The following ARMC10 variants were observed in gnomAD, a reference collection of about 807,000 sequenced individuals.
ARMC10 encodes armadillo repeat containing 10, also known as armadillo repeat-containing protein 10.
A neutral mutation model predicts 30.2 loss-of-function variants in ARMC10; 23 were observed. The observed-to-expected ratio is 0.76, with a 90% confidence interval of 0.55 to 1.08. ARMC10 has a LOEUF of 1.08. ARMC10 is among the 50% of genes least tolerant of loss of function. The pLI is 0.00. For missense variants in ARMC10, 303 were observed against 413.7 expected, an observed-to-expected ratio of 0.73 and a Z score of 2.32; for synonymous variants, 111 against 164.4, an observed-to-expected ratio of 0.68 and a Z score of 2.48.
rs564345789 is a variant in ARMC10 at position 103,095,985 on chromosome 7, G to A, written c.706-1292G>A. On this transcript the variant is annotated intron_variant, in intron 5 of 6. Transcript: ENST00000323716. The stretch of plus-strand genomic sequence containing the variant: ...GCATTGGGAGATATACCTAATGCTA[G>A]ATGACGAGTTAGTGGGTGCAGTGCA... The A allele has an allele frequency of 1.8e-4, 27 of 152,224 alleles. No homozygotes were observed. In the South Asian group the frequency reaches 5.4e-3, roughly 30 times the overall value. The allele number at this position is 152,224 out of a possible 1,614,324, so 9.4% of individuals were successfully genotyped here.
intron 3 of ARMC10, among the ~76,000 whole-genome samples, chr7:103,085,878 G>A (rs1045440257): frequency 6.6e-6 from 1 of 152,080 alleles, no homozygotes; most frequent in Non-Finnish European, 1.5e-5. Context: ...GCCTCCCAAA[G>A]TGCTGGGATT....
chr7:103,079,538 G>A (rs1027690682), intron 2 of ARMC10, among the ~76,000 whole-genome samples: 1 of 152,134 alleles, frequency 6.6e-6, no homozygotes, highest in Non-Finnish European at 1.5e-5. Flanking sequence ...ACTATTCAAC[G>A]TTCTTCTGGA....
At chr7:103,075,460 C>T (rs1320062690) in intron 1 of ARMC10, 49 bp downstream of exon 1, 10 of 1,273,432 alleles carry the variant, frequency 7.9e-6, no homozygotes, top group Non-Finnish European at 8.9e-6. Flanking sequence ...GGCAGGGGGG[C>T]TCCCCAGGCC....
chr7:103,076,225 G>C (rs1020407071), intron 2 of ARMC10, among the ~76,000 whole-genome samples: 35 of 152,140 alleles, frequency 2.3e-4, no homozygotes, highest in African/African-American at 7.7e-4. Flanking sequence ...TATTACATAC[G>C]TGTTCTCAAG....
chr7:103,098,147 C>G, intron 6 of ARMC10, 152 bp from the exon 7 acceptor site: 1 of 935,832 alleles, frequency 1.1e-6, no homozygotes, highest in Middle Eastern at 3.9e-4. Context: ...TTTTCTGTGA[C>G]AAAATTTTTT....
chr7:103,094,217 T>C (rs1002420311), intron 5 of ARMC10, among the ~76,000 whole-genome samples: 3 of 136,588 alleles, frequency 2.2e-5, no homozygotes, highest in African/African-American at 7.6e-5. Context: ...CACTGATTGA[T>C]AACTTAATGC....
rs1799574373 is a variant in ARMC10 at position 103,075,189 on chromosome 7, G to A, written c.-84G>A. 9 of 1,010,138 alleles carry A rather than the reference G, an allele frequency of 8.9e-6. No homozygotes were observed. The highest frequency in any genetic ancestry group is 5.0e-5 in the Admixed American group (1 of 19,848). The allele number at this position is 1,010,138 out of a possible 1,614,324, so 62.6% of individuals were successfully genotyped here. ...AGGTGGCGTTTGCTGTGGCGGCTAGGCCCGCGTGCGCTGGAGACCTCCGCG... is the reference window on the plus strand; with the variant it reads ...AGGTGGCGTTTGCTGTGGCGGCTAGACCCGCGTGCGCTGGAGACCTCCGCG... On this transcript the variant is annotated 5_prime_UTR_variant, in exon 1 of 7. Transcript: ENST00000323716.
Position 103,075,407 on chromosome 7 carries a change from C to CGCAGGTGGGACCCCGGGGTTTCCG in ARMC10, c.139+6_139+29dup. The CGCAGGTGGGACCCCGGGGTTTCCG allele has an allele frequency of 1.5e-6, 2 of 1,291,620 alleles. No homozygotes were observed. Among genetic ancestry groups the CGCAGGTGGGACCCCGGGGTTTCCG allele is most frequent in the Non-Finnish European group, 2.0e-6 (2 of 1,016,824 alleles). The allele number at this position is 1,291,620 out of a possible 1,614,324, so 80.0% of individuals were successfully genotyped here. A position where few individuals can be genotyped will look rare whatever the true frequency, so the allele number is the denominator to read the frequency against. ...AGCTCGGGATACGCTCTTCGAAGTC[C>CGCAGGTGGGACCCCGGGGTTTCCG]GCAGGTGGGACCCCGGGGTTTCCGG... On this transcript the variant is annotated inframe_insertion, in exon 1 of 7. Coordinates refer to ENST00000323716, the MANE Select transcript of ARMC10 (RefSeq NM_031905.5).
At chr7:103,097,820 T>C (rs1801880747) in intron 6 of ARMC10, among the ~76,000 whole-genome samples, 2 of 152,156 alleles carry the variant, frequency 1.3e-5, no homozygotes, top group Non-Finnish European at 2.9e-5. Context: ...AAAGCTGTGA[T>C]AAGTGTTCTG....
Position 103,086,637 on chromosome 7 carries a change from T to C in ARMC10, c.401T>C (p.Ile134Thr), listed in dbSNP as rs1800884792. ...TTTTTTTTCCCCTCGTAGGCTATTA[T>C]TCGTGAATTGGGTGGTATTCCAATT... The part of the protein sequence containing the change: ...NAAFSVNQAI[I>T]RELGGIPIVA... The change falls in exon 4 of 7, where the codon ATT becomes ACT. Residue 134 changes from isoleucine to threonine, a missense_variant. This residue lies in a region of ARMC10 where 170 missense variants were observed against 207.2 expected (regional missense o/e 0.82). Transcript: ENST00000323716. 3 of 1,587,428 alleles carry C rather than the reference T, an allele frequency of 1.9e-6. No homozygotes were observed. In the African/African-American group the frequency reaches 4.1e-5, roughly 22 times the overall value.
chr7:103,078,110 C>T (rs1421814146), intron 2 of ARMC10, among the ~76,000 whole-genome samples: 1 of 152,124 alleles, frequency 6.6e-6, no homozygotes, highest in Non-Finnish European at 1.5e-5. Context: ...ATTCTCTTGC[C>T]TCGGCCTCCG....
chr7:103,094,543 G>T (rs1320430916), intron 5 of ARMC10, among the ~76,000 whole-genome samples: 1 of 152,164 alleles, frequency 6.6e-6, no homozygotes, highest in East Asian at 1.9e-4. Flanking sequence ...ACTATTAGTG[G>T]GTCTTAGATT....
chr7:103,084,117 T>G, intron 3 of ARMC10: 1 of 1,148,804 alleles, frequency 8.7e-7, no homozygotes, highest in Non-Finnish European at 1.2e-6. Flanking sequence ...TTATTTAAAA[T>G]TCAGCAGTGC....
At position 103,075,164 on chromosome 7, in the gene ARMC10, A is replaced by C. The variant is rs1476808352; in HGVS notation, c.-109A>C. On this transcript the variant is annotated 5_prime_UTR_variant, in exon 1 of 7. Coordinates refer to ENST00000323716, the MANE Select transcript of ARMC10 (RefSeq NM_031905.5). ...CATTTCCTTTCTCCACATCCAGGTC[A>C]GGTGGCGTTTGCTGTGGCGGCTAGG... 46 of 744,250 alleles carry C rather than the reference A, an allele frequency of 6.2e-5. No individual in the cohort carries two copies. The highest frequency in any genetic ancestry group is 7.9e-5 in the Non-Finnish European group (46 of 582,646). The allele number at this position is 744,250 out of a possible 1,614,324, so 46.1% of individuals were successfully genotyped here.
intron 5 of ARMC10, chr7:103,095,976 C>G (rs1801728961): frequency 6.6e-6 from 1 of 152,108 alleles, no homozygotes; most frequent in African/African-American, 2.4e-5. Context: ...GGAGATATAC[C>G]TAATGCTAGA....
At chr7:103,093,966 A>G (rs937676012) in intron 5 of ARMC10, among the ~76,000 whole-genome samples, 2 of 152,226 alleles carry the variant, frequency 1.3e-5, no homozygotes, top group African/African-American at 4.8e-5. Context: ...CTAGGATAGA[A>G]AATTTGCTTT....
chr7:103,075,495 G>C, intron 1 of ARMC10, 84 bp downstream of exon 1: 1 of 1,230,568 alleles, frequency 8.1e-7, no homozygotes, highest in Non-Finnish European at 1.0e-6. Context: ...CGTGTGCTCG[G>C]GGTAAAATGA....
At chr7:103,088,266 C>G (rs1801024805) in intron 4 of ARMC10, among the ~76,000 whole-genome samples, 1 of 152,048 alleles carries the variant, frequency 6.6e-6, no homozygotes, top group South Asian at 2.1e-4. Flanking sequence ...GAGTCCAATA[C>G]AGTTATGGCT....
rs1801414647 is a variant in ARMC10, at chr7:103,092,333, A to AG, written c.529-144_529-143insG. 6 of 389,248 alleles carry AG rather than the reference A, an allele frequency of 1.5e-5. No individual in the cohort carries two copies. The East Asian group carries it at 2.6e-4, about 17-fold the overall frequency. 24.1% of individuals were successfully genotyped at this position (389,248 alleles called of 1,614,324 possible). ...GGGAGACAGCGAGACTCCGTCTCAA[A>AG]AAAAAAAAAAAAAAAAAAGTCGTAT... On this transcript the variant is annotated intron_variant, in intron 4 of 6. Transcript: ENST00000323716.
Sources: gnomAD v4.1 joint callset for allele counts (sites outside exome capture counted in the v4.1 genomes callset) on GRCh38, gnomAD v4.1.1 for gene constraint, gnomAD v4.1.1 regional missense constraint, MANE v1.5 for transcripts, NCBI Gene and HGNC (gene_info 2026-07-23, HGNC 2026-07-21) for gene names.